The following NLRP4 variants were observed in gnomAD, a reference collection of about 807,000 sequenced individuals.
NLRP4 encodes NLR family pyrin domain containing 4, also known as NACHT, LRR and PYD domains-containing protein 4.
Under a neutral mutation model 84.7 loss-of-function variants are expected in NLRP4, and 44 were observed. That is an observed-to-expected ratio of 0.52 (90% CI 0.41 to 0.67). The LOEUF (loss-of-function observed/expected upper bound fraction) is 0.67, where lower values mean the gene tolerates loss of function less well. Ranked by LOEUF, NLRP4 falls within the 30% of genes least tolerant of loss-of-function variation. NLRP4 has a pLI of 0.00. For missense variants in NLRP4, 1,260 were observed against 1,219.4 expected, an observed-to-expected ratio of 1.03 and a Z score of -0.50; for synonymous variants, 544 against 476.4, an observed-to-expected ratio of 1.14 and a Z score of -1.85.
chr19:55,850,840 G>T (rs1388658052), intron 1 of NLRP4, among the ~76,000 whole-genome samples: 1 of 94,610 alleles, frequency 1.1e-5, no homozygotes, highest in South Asian at 3.3e-4. Flanking sequence ...CGAGGCTGCG[G>T]TGTAATTTAC....
intron 6 of NLRP4, 30 bp downstream of exon 6, chr19:55,867,906 G>A (rs1365192327): frequency 3.7e-6 from 6 of 1,605,202 alleles, no homozygotes; most frequent in Non-Finnish European, 5.1e-6. Context: ...GCCTACTGTG[G>A]AGGGCCATGG....
At chr19:55,854,008 C>T (rs1038013103) in intron 2 of NLRP4, among the ~76,000 whole-genome samples, 3 of 151,656 alleles carry the variant, frequency 2.0e-5, no homozygotes, top group African/African-American at 4.8e-5. Flanking sequence ...CACGCTCTGT[C>T]GCCCAGGCTG....
rs1372113006 is a variant in NLRP4 at position 55,876,992 on chromosome 19, G to A, written c.2526-4G>A. On this transcript the variant is annotated splice_polypyrimidine_tract_variant and splice_region_variant and intron_variant, in intron 7 of 9. Coordinates refer to ENST00000301295, the MANE Select transcript of NLRP4 (RefSeq NM_134444.5). ...TTAAGCATGGTACCCTTACTCCTTT[G>A]CAGTTTGGTAAAATGTTTTATCACT... is the stretch of plus-strand genomic sequence containing the variant. 1.2e-6 allele frequency: 2 copies of A among 1,612,200 alleles called. No individual in the cohort carries two copies. The highest frequency in any genetic ancestry group is 3.3e-5 in the Admixed American group (2 of 59,972).
intron 2 of NLRP4, among the ~76,000 whole-genome samples, chr19:55,855,372 T>C (rs1984369782): frequency 1.3e-5 from 2 of 152,166 alleles, no homozygotes; most frequent in Non-Finnish European, 2.9e-5. Context: ...TAATTCCCCT[T>C]ATGAGCAACC....
chr19:55,857,489 A>G (rs1166753169), intron 2 of NLRP4, 185 bp from the exon 3 acceptor site: 2 of 603,090 alleles, frequency 3.3e-6, no homozygotes, highest in Admixed American at 3.0e-5. Flanking sequence ...CCTGTAGACA[A>G]TATACCCGTG....
At chr19:55,840,426 C>T (rs549621415) in intron 1 of NLRP4, among the ~76,000 whole-genome samples, 3 of 151,950 alleles carry the variant, frequency 2.0e-5, no homozygotes, top group South Asian at 2.1e-4. Flanking sequence ...CTCTGTTGCC[C>T]AGGCTGGAAT....
intron 1 of NLRP4, among the ~76,000 whole-genome samples, chr19:55,851,568 G>T (rs1489226191): frequency 2.4e-5 from 2 of 84,788 alleles, no homozygotes; most frequent in African/African-American, 8.1e-5. Context: ...GCGGTGTAAT[G>T]TCCGAGGCTG....
chr19:55,859,941 A>AAAC lies in NLRP4; in HGVS notation c.1856+694_1856+695insCAA, dbSNP rs1568666194. The stretch of plus-strand genomic sequence containing the variant: ...CTCTCATCTCCAAAAAAAAAAAAAA[A>AAAC]AAAAAAAAAAACAAAACACAAATCA... On this transcript the variant is annotated intron_variant, in intron 3 of 9. Coordinates refer to ENST00000301295, the MANE Select transcript of NLRP4 (RefSeq NM_134444.5). Among the ~76,000 whole-genome samples, 141 of 144,538 alleles carry AAAC rather than the reference A, an allele frequency of 9.8e-4. 2 individuals are homozygous for AAAC. Among genetic ancestry groups the AAAC allele is most frequent in the African/African-American group, 3.5e-3 (138 of 39,214 alleles). 94.8% of individuals were successfully genotyped at this position (144,538 alleles called of 152,430 possible).
intron 1 of NLRP4, among the ~76,000 whole-genome samples, chr19:55,844,946 G>A (rs1021360341): frequency 3.9e-5 from 6 of 152,052 alleles, no homozygotes; most frequent in African/African-American, 1.2e-4. Context: ...CAATCTGAAT[G>A]CAGTCTTTCC....
At chr19:55,876,862 G>C in intron 7 of NLRP4, 134 bp from the exon 8 acceptor site, 1 of 634,366 alleles carries the variant, frequency 1.6e-6, no homozygotes, top group Non-Finnish European at 2.8e-6. Flanking sequence ...GCCACTAGTT[G>C]AATCTGTGGA....
chr19:55,841,210 G>T (rs1983601672), intron 1 of NLRP4, among the ~76,000 whole-genome samples: 1 of 152,156 alleles, frequency 6.6e-6, no homozygotes, highest in African/African-American at 2.4e-5. Flanking sequence ...ACCCTAATTT[G>T]TAAGAGAACA....
At chr19:55,876,781 GT>G (rs1490868414) in intron 7 of NLRP4, among the ~76,000 whole-genome samples, 1 of 152,012 alleles carries the variant, frequency 6.6e-6, no homozygotes, top group Non-Finnish European at 1.5e-5. Flanking sequence ...TACTCTATTG[GT>G]TTTTTCGTTT....
At position 55,861,682 on chromosome 19, in the gene NLRP4, A is replaced by T. The variant is rs140505259; in HGVS notation, c.2018+135A>T. The T allele has an allele frequency of 6.6e-5, 52 of 788,736 alleles. No homozygotes were observed. The East Asian group carries it at 1.3e-3, about 19-fold the overall frequency. 48.9% of individuals were successfully genotyped at this position (788,736 alleles called of 1,614,324 possible). A position where few individuals can be genotyped will look rare whatever the true frequency, so the allele number is the denominator to read the frequency against. ...GCAGTTGCTCAACCTCAGCACTTAC[A>T]GACATCTCATGCAGATCATTCTTCA... On this transcript the variant is annotated intron_variant, in intron 4 of 9. Coordinates refer to ENST00000301295, the MANE Select transcript of NLRP4 (RefSeq NM_134444.5).
chr19:55,857,681 A>C lies in NLRP4; in HGVS notation c.288A>C (p.Thr96=). ...MKVMRERTGY[T]KTYQAHAKQK... is the part of the protein sequence containing the mutation. ...TTGCCCTCACTGACTCAGGATACAC[A>C]AAGACCTATCAAGCTCACGCAAAGC... Residue 96 remains threonine (T), a synonymous_variant, in exon 3 of 10, where the codon ACA becomes ACC. Transcript: ENST00000301295. The C allele has an allele frequency of 6.2e-7, 1 of 1,612,754 alleles. No homozygotes were observed. Among genetic ancestry groups the C allele is most frequent in the Non-Finnish European group, 8.5e-7 (1 of 1,179,882 alleles).
chr19:55,866,546 A>T (rs1341671721), intron 5 of NLRP4, among the ~76,000 whole-genome samples: 2 of 152,204 alleles, frequency 1.3e-5, no homozygotes, highest in African/African-American at 4.8e-5. Context: ...AGGTAATAGA[A>T]AACCACACAG....
At chr19:55,849,518 G>T (rs960277331) in intron 1 of NLRP4, among the ~76,000 whole-genome samples, 3 of 152,152 alleles carry the variant, frequency 2.0e-5, no homozygotes, top group Non-Finnish European at 4.4e-5. Flanking sequence ...AGACTTTCTG[G>T]ATTGTACACA....
chr19:55,849,389 A>G (rs1983928536), intron 1 of NLRP4, among the ~76,000 whole-genome samples: 1 of 152,178 alleles, frequency 6.6e-6, no homozygotes, highest in African/African-American at 2.4e-5. Context: ...TCCAGGGATC[A>G]TTTCTATAGT....
intron 7 of NLRP4, among the ~76,000 whole-genome samples, chr19:55,872,923 G>A (rs1985240522): frequency 6.6e-6 from 1 of 152,098 alleles, no homozygotes; most frequent in African/African-American, 2.4e-5. Flanking sequence ...TTGGGGCGGG[G>A]GAAAGTGATA....
chr19:55,867,683 A>C, intron 5 of NLRP4, 26 bp from the exon 6 acceptor site: 4 of 1,604,170 alleles, frequency 2.5e-6, no homozygotes, highest in Non-Finnish European at 2.6e-6. Context: ...AAACCAACAG[A>C]ATGTGACATT....
Sources: allele counts gnomAD v4.1 joint callset (sites outside exome capture counted in the v4.1 genomes callset), GRCh38; gene constraint gnomAD v4.1.1; transcripts MANE v1.5; gene names NCBI Gene and HGNC (gene_info 2026-07-23, HGNC 2026-07-21).